Variants in ALMS1 observed in about 807,000 individuals in gnomAD.
ALMS1 encodes the protein centrosome-associated protein ALMS1.
ALMS1 carries 271 observed loss-of-function variants against 352.2 expected under a neutral mutation model. The observed-to-expected ratio is 0.77, with a 90% CI of 0.70 to 0.85. The LOEUF is 0.85. Among genes scored for constraint, ALMS1 ranks in the 40% least tolerant of loss-of-function variants. The pLI, the probability that ALMS1 is intolerant of heterozygous loss-of-function variation, is 0.00. For missense variants in ALMS1, 5,445 were observed against 4,870.7 expected (o/e 1.12, Z -3.51); for synonymous variants, 1,865 against 1,761.2 (o/e 1.06, Z -1.48).
At chr2:73,573,978 G>T (rs1450376133) in intron 16 of ALMS1, among the ~76,000 whole-genome samples, 1 of 152,064 alleles carries the variant, frequency 6.6e-6, no homozygotes, top group Non-Finnish European at 1.5e-5. Context: ...TCAAAGCCAG[G>T]AGGAAGATAA....
Position 73,386,079 on chromosome 2 carries a change from G to A in ALMS1, c.211G>A (p.Glu71Lys), listed in dbSNP as rs757131983. 11 of 1,595,784 alleles carry A rather than the reference G, an allele frequency of 6.9e-6. No homozygotes were observed. The highest frequency in any genetic ancestry group is 8.5e-6 in the Non-Finnish European group (10 of 1,171,726). The change falls in exon 1 of 23, where the codon GAG (glutamate) becomes AAG (lysine). Residue 71 changes from glutamate to lysine, a missense_variant. Physicochemically the swap from Glu to Lys is moderately conservative, Grantham distance 56. Transcript: ENST00000613296. ...GPQHLESIDD[E>K]EDEEAKAWLQ... The stretch of plus-strand genomic sequence containing the variant: ...CCAGCATCTGGAAAGTATAGACGAC[G>A]AGGAGGACGAGGAGGCCAAGGCCTG...
chr2:73,432,619 C>A (rs1671522874), intron 7 of ALMS1, among the ~76,000 whole-genome samples: 1 of 151,784 alleles, frequency 6.6e-6, no homozygotes, highest in Non-Finnish European at 1.5e-5. Flanking sequence ...GTGGAAGGGG[C>A]AGGGGGTCTC....
chr2:73,465,995 G>C (rs1257617923), intron 9 of ALMS1, among the ~76,000 whole-genome samples: 1 of 123,976 alleles, frequency 8.1e-6, no homozygotes, highest in Non-Finnish European at 1.7e-5. Context: ...ACAGGTGCTG[G>C]AGAGGATGTG....
At position 73,454,027 on chromosome 2, in the gene ALMS1, C is replaced by T. The variant is rs751719112; in HGVS notation, c.7500C>T (p.Leu2500=). Residue 2500 remains leucine (L), a synonymous_variant, in exon 8 of 23, where the codon CTC becomes CTT. Coordinates refer to ENST00000613296, the MANE Select transcript of ALMS1 (RefSeq NM_001378454.1). The part of the protein sequence containing the change: ...ESSLNHAKEI[L]RNAEEEESRV... ...CACTGAATCATGCTAAAGAAATACT[C>T]AGAAATGCAGAGGAAGAGGAAAGCC... 3.1e-6 allele frequency: 5 copies of T among 1,613,018 alleles called. No homozygotes were observed. The East Asian group carries it at 6.7e-5, about 22-fold the overall frequency.
At chr2:73,607,051 A>C (rs1675831599) in intron 21 of ALMS1, among the ~76,000 whole-genome samples, 1 of 152,198 alleles carries the variant, frequency 6.6e-6, no homozygotes, top group South Asian at 2.1e-4. Flanking sequence ...TATAGAGAAA[A>C]GTAGAAAAAA....
chr2:73,554,857 C>T (rs1674511386), intron 13 of ALMS1, among the ~76,000 whole-genome samples: 1 of 152,064 alleles, frequency 6.6e-6, no homozygotes, highest in Admixed American at 6.6e-5. Flanking sequence ...CCCATATTTT[C>T]CACTGTACAA....
intron 13 of ALMS1, among the ~76,000 whole-genome samples, chr2:73,554,007 G>A (rs1315610547): frequency 3.3e-5 from 5 of 152,164 alleles, no homozygotes; most frequent in South Asian, 2.1e-4. Context: ...GAAAATGGTA[G>A]CCTTTAGAAA....
Position 73,545,673 on chromosome 2 carries a change from C to T in ALMS1, c.9908-4594C>T, listed in dbSNP as rs988713186. 3.3e-5 allele frequency among the ~76,000 whole-genome samples: 5 copies of T among 152,102 alleles called. No homozygotes were observed. The East Asian group carries it at 5.8e-4, about 18-fold the overall frequency. Reference sequence around the variant, plus strand: ...ACAGTTAAATCAGATGAGTGGAATTCGGTGAGATGTCTTTAGCTGTGATAA... The same window carrying T: ...ACAGTTAAATCAGATGAGTGGAATTTGGTGAGATGTCTTTAGCTGTGATAA... On this transcript the variant is annotated intron_variant, in intron 12 of 22. Transcript: ENST00000613296.
At chr2:73,457,820 G>A (rs1228955557) in intron 9 of ALMS1, 2 of 151,654 alleles carry the variant, frequency 1.3e-5, no homozygotes, top group Admixed American at 6.6e-5. Context: ...ATCACTTGAG[G>A]TCAGGAGTTC....
intron 2 of ALMS1, among the ~76,000 whole-genome samples, chr2:73,412,439 GTAT>G (rs984422768): frequency 6.6e-6 from 1 of 152,184 alleles, no homozygotes; most frequent in Non-Finnish European, 1.5e-5. Context: ...TTACTGAGTA[GTAT>G]TCCATTTGTG....
chr2:73,520,570 G>C (rs1269301488), intron 11 of ALMS1, among the ~76,000 whole-genome samples: 2 of 152,128 alleles, frequency 1.3e-5, no homozygotes, highest in African/African-American at 4.8e-5. Context: ...TTACCTTCAT[G>C]GTCAACAGGA....
chr2:73,387,985 G>A lies in ALMS1; in HGVS notation c.324+1793G>A, dbSNP rs752954051. 7.2e-5 allele frequency among the ~76,000 whole-genome samples: 11 copies of A among 152,108 alleles called. 1 individual carries two copies. Among genetic ancestry groups the A allele is most frequent in the Middle Eastern group, 6.8e-3 (2 of 294 alleles). ...CAGGTGTTAGGTTATTGTTTGAATG[G>A]TTGTGCCAATATTAAGATATGGCCA... On this transcript the variant is annotated intron_variant, in intron 1 of 22. Coordinates refer to ENST00000613296, the MANE Select transcript of ALMS1 (RefSeq NM_001378454.1).
chr2:73,571,047 C>G (rs935662427), intron 15 of ALMS1, among the ~76,000 whole-genome samples: 39 of 152,214 alleles, frequency 2.6e-4, no homozygotes, highest in African/African-American at 9.4e-4. Context: ...GCTGCAATCT[C>G]AAGAACCTGT....
At chr2:73,528,690 A>G (rs1673847083) in intron 11 of ALMS1, among the ~76,000 whole-genome samples, 1 of 151,740 alleles carries the variant, frequency 6.6e-6, no homozygotes, top group Non-Finnish European at 1.5e-5. Context: ...CAACCACTGT[A>G]TGTCTTTGGA....
chr2:73,581,759 T>G (rs1347903367), intron 16 of ALMS1, among the ~76,000 whole-genome samples: 1 of 151,996 alleles, frequency 6.6e-6, no homozygotes, highest in Non-Finnish European at 1.5e-5. Context: ...TTTCTTTTTT[T>G]TTTTTTTGAG....
chr2:73,518,865 A>G (rs938077835), intron 10 of ALMS1, among the ~76,000 whole-genome samples: 3 of 152,050 alleles, frequency 2.0e-5, no homozygotes, highest in African/African-American at 4.8e-5. Context: ...CTTCCATTCT[A>G]TAGGTTGTCT....
chr2:73,608,740 A>C (rs150568729), intron 22 of ALMS1, among the ~76,000 whole-genome samples, 166 bp downstream of exon 22: 1 of 152,360 alleles, frequency 6.6e-6, no homozygotes, highest in Non-Finnish European at 1.5e-5. Flanking sequence ...GGCATCTGTA[A>C]TTAGACTTCA....
intron 7 of ALMS1, among the ~76,000 whole-genome samples, chr2:73,438,852 A>G (rs1443223158): frequency 6.6e-6 from 1 of 152,156 alleles, no homozygotes; most frequent in Non-Finnish European, 1.5e-5. Flanking sequence ...TTGTTGCACG[A>G]ACATTTAGGA....
Position 73,399,716 on chromosome 2 carries a change from C to T in ALMS1, c.325-8906C>T, listed in dbSNP as rs368345173. ...AATCATATCAGAGAGGGAATCCTTG[C>T]CTTGTTCTTGATCTTAGAGGCAAAG... On this transcript the variant is annotated intron_variant, in intron 1 of 22. Coordinates refer to ENST00000613296, the MANE Select transcript of ALMS1 (RefSeq NM_001378454.1). Among the ~76,000 whole-genome samples, 5 of 151,986 alleles carry T rather than the reference C, an allele frequency of 3.3e-5. No homozygotes were observed. The East Asian group carries it at 5.8e-4, about 18-fold the overall frequency.
Sources: allele counts gnomAD v4.1 joint callset (sites outside exome capture counted in the v4.1 genomes callset), GRCh38; gene constraint gnomAD v4.1.1; transcripts MANE v1.5; gene names NCBI Gene and HGNC (gene_info 2026-07-23, HGNC 2026-07-21).